Variants in TENT4A observed in about 807,000 individuals in gnomAD.
TENT4A encodes DNA polymerase kappa.
A neutral mutation model predicts 72.8 loss-of-function variants in TENT4A; 7 were observed. The ratio of observed to expected loss-of-function variants is 0.10; its 90% CI spans 0.05 to 0.18. TENT4A has a LOEUF of 0.18. Ranked by LOEUF, TENT4A falls within the 10% of genes least tolerant of loss-of-function variation. The pLI is 1.00. For synonymous variants in TENT4A, 456 were observed against 434.3 expected, an observed-to-expected ratio of 1.05 and a Z score of -0.62; for missense variants, 831 against 1,017.7, an observed-to-expected ratio of 0.82 and a Z score of 2.50.
chr5:6,740,983 C>T (rs1264140118), intron 4 of TENT4A, among the ~76,000 whole-genome samples: 1 of 152,186 alleles, frequency 6.6e-6, no homozygotes, highest in Non-Finnish European at 1.5e-5. Flanking sequence ...CGGCATAGTC[C>T]AGGCCGCTGT....
chr5:6,748,066 G>A (rs940271913), intron 7 of TENT4A, among the ~76,000 whole-genome samples: 5 of 152,218 alleles, frequency 3.3e-5, no homozygotes, highest in African/African-American at 1.2e-4. Context: ...TGTCAGATCA[G>A]CGATCACAGT....
At chr5:6,738,426 C>G (rs1741624544) in intron 2 of TENT4A, among the ~76,000 whole-genome samples, 1 of 152,208 alleles carries the variant, frequency 6.6e-6, no homozygotes, top group Non-Finnish European at 1.5e-5. Flanking sequence ...AAGTCCTCAG[C>G]TTTGAAGGGT....
At chr5:6,715,028 T>G in intron 1 of TENT4A, 1 of 173,286 alleles carries the variant, frequency 5.8e-6, no homozygotes. Context: ...GAGGAACCCC[T>G]TGTCAAAGTG....
intron 9 of TENT4A, 133 bp from the exon 10 acceptor site, chr5:6,750,198 C>T: frequency 1.9e-6 from 1 of 538,940 alleles, no homozygotes; most frequent in East Asian, 3.4e-5. Context: ...TTAAATTAGG[C>T]AAAACCTAAT....
chr5:6,728,241 GTGTC>G (rs146151633), intron 1 of TENT4A, among the ~76,000 whole-genome samples: 2,814 of 152,322 alleles, frequency 0.018, 34 homozygotes, highest in South Asian at 0.04. Flanking sequence ...CATACAGTGA[GTGTC>G]TGGTCACAGC....
At chr5:6,740,711 C>T (rs952613196) in intron 4 of TENT4A, among the ~76,000 whole-genome samples, 2 of 152,230 alleles carry the variant, frequency 1.3e-5, no homozygotes, top group African/African-American at 4.8e-5. Context: ...ACGAAGTGCA[C>T]ATGCTCATGT....
intron 1 of TENT4A, 125 bp from the exon 2 acceptor site, chr5:6,737,385 A>T: frequency 1.2e-6 from 1 of 811,268 alleles, no homozygotes; most frequent in Non-Finnish European, 1.9e-6. Context: ...ATACTTTCAG[A>T]GGAGAAATGA....
At position 6,753,041 on chromosome 5, in the gene TENT4A, T is replaced by C; in HGVS notation, c.2184+4T>C. On this transcript the variant is annotated splice_donor_region_variant and intron_variant, in intron 12 of 12. Coordinates refer to ENST00000230859, the MANE Select transcript of TENT4A (RefSeq NM_006999.6). Reference sequence around the variant, plus strand: ...GAGCCCTCATCTGTATCATAAGGTATAGCTCTGTCCTGGTGCATTCACCTA... The same window carrying C: ...GAGCCCTCATCTGTATCATAAGGTACAGCTCTGTCCTGGTGCATTCACCTA... The C allele has an allele frequency of 6.2e-7, 1 of 1,613,078 alleles. No individual in the cohort carries two copies. The highest frequency in any genetic ancestry group is 8.5e-7 in the Non-Finnish European group (1 of 1,179,162).
intron 12 of TENT4A, 76 bp from the exon 13 acceptor site, chr5:6,754,675 G>T: frequency 8.3e-7 from 1 of 1,210,110 alleles, no homozygotes; most frequent in Non-Finnish European, 1.1e-6. Flanking sequence ...TCGGTGCTTA[G>T]TGTGGTCACT....
chr5:6,753,453 C>T (rs887310459), intron 12 of TENT4A, among the ~76,000 whole-genome samples: 3 of 152,250 alleles, frequency 2.0e-5, no homozygotes, highest in Non-Finnish European at 2.9e-5. Context: ...GCCTGATCCC[C>T]GCCTGGGGCA....
intron 1 of TENT4A, among the ~76,000 whole-genome samples, chr5:6,721,916 G>A (rs978721842): frequency 3.3e-5 from 5 of 152,250 alleles, no homozygotes; most frequent in Middle Eastern, 6.8e-3. Context: ...CTGTCTTTCC[G>A]TTTGAAAGAG....
chr5:6,745,760 C>A (rs1177051589), intron 6 of TENT4A, among the ~76,000 whole-genome samples: 1 of 152,174 alleles, frequency 6.6e-6, no homozygotes, highest in Non-Finnish European at 1.5e-5. Context: ...CAGCTAAAAT[C>A]AATCCTTTCA....
chr5:6,753,962 T>A (rs1037803450), intron 12 of TENT4A, among the ~76,000 whole-genome samples: 1 of 152,230 alleles, frequency 6.6e-6, no homozygotes, highest in Non-Finnish European at 1.5e-5. Flanking sequence ...TCTGAGACTT[T>A]CCTGAAGCCG....
chr5:6,743,478 A>G (rs1741931245), intron 5 of TENT4A, among the ~76,000 whole-genome samples: 1 of 151,954 alleles, frequency 6.6e-6, no homozygotes, highest in Admixed American at 6.6e-5. Context: ...GTAGGGGTGC[A>G]CCCCTGCTGA....
intron 1 of TENT4A, among the ~76,000 whole-genome samples, chr5:6,735,203 A>C (rs1488979705): frequency 6.6e-6 from 1 of 152,240 alleles, no homozygotes; most frequent in Non-Finnish European, 1.5e-5. Flanking sequence ...GCATTCTTCC[A>C]TGACTTTGGG....
At chr5:6,720,147 C>T (rs951875150) in intron 1 of TENT4A, among the ~76,000 whole-genome samples, 2 of 152,212 alleles carry the variant, frequency 1.3e-5, no homozygotes, top group African/African-American at 4.8e-5. Flanking sequence ...TGTTTTCCGC[C>T]AGCTGGAGGA....
intron 1 of TENT4A, among the ~76,000 whole-genome samples, chr5:6,734,611 C>T (rs940359063): frequency 5.3e-5 from 8 of 152,258 alleles, no homozygotes; most frequent in African/African-American, 1.7e-4. Context: ...CAAAATTATT[C>T]CTGTCTCTTA....
rs947344132 is a variant in TENT4A, at chr5:6,756,449, C to G, written c.*1504C>G. ...ATACTTATTACCATGACATCTGATG[C>G]ATGTGCAGCAGTGGGGAGTTCTAGA... On this transcript the variant is annotated 3_prime_UTR_variant, in exon 13 of 13. Transcript: ENST00000230859. 1.2e-4 allele frequency: 19 copies of G among 152,510 alleles called. No individual in the cohort carries two copies. The highest frequency in any genetic ancestry group is 4.6e-4 in the African/African-American group (19 of 41,422). The allele number at this position is 152,510 out of a possible 1,614,324, so 9.4% of individuals were successfully genotyped here.
At chr5:6,745,931 A>C in intron 6 of TENT4A, 1 of 891,952 alleles carries the variant, frequency 1.1e-6, no homozygotes, top group Non-Finnish European at 1.5e-6. Context: ...ATTTGCCCAT[A>C]TTTGGTTAAT....
Sources: gnomAD v4.1 joint callset for allele counts (sites outside exome capture counted in the v4.1 genomes callset) on GRCh38, gnomAD v4.1.1 for gene constraint, MANE v1.5 for transcripts, NCBI Gene and HGNC (gene_info 2026-07-23, HGNC 2026-07-21) for gene names.